OPCML: variants seen among roughly 807,000 people sequenced by gnomAD.
OPCML encodes the protein opioid binding protein/cell adhesion molecule like, also known as opioid-binding protein/cell adhesion molecule.
Under a neutral mutation model 37.8 loss-of-function variants are expected in OPCML, and 13 were observed. The observed-to-expected ratio is 0.34, with a 90% CI of 0.22 to 0.55. The LOEUF is 0.55. Ranked by LOEUF, OPCML falls within the 20% of genes least tolerant of loss-of-function variation. The pLI, the probability that OPCML is intolerant of heterozygous loss-of-function variation, is 0.91. For synonymous variants in OPCML, 176 were observed against 168.8 expected (o/e 1.04, Z -0.33); for missense variants, 341 against 435.6 (o/e 0.78, Z 1.93).
chr11:133,390,885 T>C (rs1203639311), intron 1 of OPCML, among the ~76,000 whole-genome samples: 1 of 152,154 alleles, frequency 6.6e-6, no homozygotes, highest in Non-Finnish European at 1.5e-5. Flanking sequence ...GCCAGGCAAC[T>C]GCAAGGAGCA....
At chr11:133,436,170 T>C (rs12796975) in intron 1 of OPCML, among the ~76,000 whole-genome samples, 21,700 of 152,108 alleles carry the variant, frequency 0.14, 1,764 homozygotes, top group African/African-American at 0.21. Context: ...CCTACTGCAA[T>C]GAGAACAACA....
intron 2 of OPCML, chr11:132,817,220 AG>A (rs1446130882): frequency 6.6e-6 from 1 of 152,300 alleles, no homozygotes; most frequent in African/African-American, 2.4e-5. Context: ...TGTCATACAC[AG>A]GGAGTTTCAG....
intron 1 of OPCML, among the ~76,000 whole-genome samples, chr11:133,073,210 C>T (rs778931707): frequency 1.3e-5 from 2 of 152,184 alleles, no homozygotes; most frequent in African/African-American, 2.4e-5. Flanking sequence ...AACACCTGAG[C>T]GCTCCCAAGT....
At chr11:132,624,144 C>T (rs1939594742) in intron 3 of OPCML, among the ~76,000 whole-genome samples, 1 of 152,160 alleles carries the variant, frequency 6.6e-6, no homozygotes, top group Non-Finnish European at 1.5e-5. Flanking sequence ...TGTAGGGATT[C>T]ATATATTGAT....
At chr11:133,024,056 C>T (rs1947502709) in intron 1 of OPCML, among the ~76,000 whole-genome samples, 1 of 152,204 alleles carries the variant, frequency 6.6e-6, no homozygotes, top group East Asian at 1.9e-4. Context: ...ACGTATTTCA[C>T]AGGAAGTGCT....
chr11:133,409,242 G>A (rs1353449868), intron 1 of OPCML, among the ~76,000 whole-genome samples: 4 of 152,178 alleles, frequency 2.6e-5, no homozygotes, highest in South Asian at 4.1e-4. Context: ...TTCAGACAGC[G>A]CGACTCCAGA....
intron 2 of OPCML, among the ~76,000 whole-genome samples, chr11:132,819,889 T>C (rs117527433): frequency 0.016 from 2,489 of 152,292 alleles, 27 homozygotes; most frequent in Middle Eastern, 0.031. Flanking sequence ...TGTGATGCTC[T>C]AGAGTCAGAA....
In OPCML at chr11:132,687,410, AT is replaced by A. The variant is rs1565776272; in HGVS notation, c.147-30092del. Among the ~76,000 whole-genome samples, 59 of 95,012 alleles carry A rather than the reference AT, an allele frequency of 6.2e-4. 2 individuals carry two copies. The highest frequency in any genetic ancestry group is 2.5e-3 in the African/African-American group (50 of 19,608). 62.3% of individuals were successfully genotyped at this position (95,012 alleles called of 152,430 possible). On this transcript the variant is annotated intron_variant, in intron 2 of 7. Transcript: ENST00000524381. ...TATATATATATATATATATATATATATATATATATATATATATATTTAATCT... is the reference window on the plus strand; with the variant it reads ...TATATATATATATATATATATATATAATATATATATATATATATTTAATCT...
intron 1 of OPCML, among the ~76,000 whole-genome samples, chr11:133,384,983 G>A (rs930484788): frequency 2.0e-5 from 3 of 152,240 alleles, no homozygotes; most frequent in South Asian, 2.1e-4. Flanking sequence ...GGGTGGCCCC[G>A]AGGTCTCCGC....
intron 3 of OPCML, among the ~76,000 whole-genome samples, chr11:132,610,785 A>T (rs898530950): frequency 5.9e-5 from 9 of 152,234 alleles, no homozygotes; most frequent in African/African-American, 2.2e-4. Context: ...GTCGTGTAAG[A>T]AGCTATCAAC....
chr11:132,811,507 G>A (rs933978727), intron 2 of OPCML, among the ~76,000 whole-genome samples: 23 of 152,266 alleles, frequency 1.5e-4, no homozygotes, highest in African/African-American at 5.3e-4. Flanking sequence ...CGGGAAAGTG[G>A]CTGTTTTGGT....
chr11:132,633,358 C>T (rs1294728229), intron 3 of OPCML, among the ~76,000 whole-genome samples: 1 of 152,076 alleles, frequency 6.6e-6, no homozygotes, highest in Non-Finnish European at 1.5e-5. Context: ...GCTGGTAGCT[C>T]TCTTTTCCCT....
chr11:132,727,587 T>G (rs1235701089), intron 2 of OPCML, among the ~76,000 whole-genome samples: 1 of 152,178 alleles, frequency 6.6e-6, no homozygotes, highest in Non-Finnish European at 1.5e-5. Context: ...AACTGCAGGC[T>G]GGAATCATCC....
chr11:132,943,089 C>T lies in OPCML; in HGVS notation c.62-79G>A, dbSNP rs774852728. ...GGCAGGAACAGGTACCCACAGACCC[C>T]CATTCTCGACAGCCACAACTTCCCA... On this transcript the variant is annotated intron_variant, in intron 1 of 7. Coordinates refer to ENST00000524381, the MANE Select transcript of OPCML (RefSeq NM_001012393.5). This position sits in a 1 kb window ranked among gnomAD's most constrained non-coding sequence, Gnocchi z 4.3. 6.2e-7 allele frequency: 1 copy of T among 1,614,130 alleles called. No homozygotes were observed. Among genetic ancestry groups the T allele is most frequent in the South Asian group, 1.1e-5 (1 of 91,080 alleles).
intron 1 of OPCML, among the ~76,000 whole-genome samples, chr11:133,511,426 C>T (rs556367073): frequency 6.6e-6 from 1 of 152,300 alleles, no homozygotes; most frequent in East Asian, 1.9e-4. Context: ...CCTTTAAAAA[C>T]CTCTCTGCCC....
chr11:132,622,539 C>T (rs1019266812), intron 3 of OPCML, among the ~76,000 whole-genome samples: 7 of 152,292 alleles, frequency 4.6e-5, no homozygotes, highest in Non-Finnish European at 7.3e-5. Flanking sequence ...GACGTTTTCA[C>T]GCCAGTGGGA....
rs942490793 is a variant in OPCML, at chr11:132,820,102, T to G, written c.146+122824A>C. 4.3e-4 allele frequency among the ~76,000 whole-genome samples: 57 copies of G among 131,504 alleles called. No individual in the cohort carries two copies. In the Middle Eastern group the frequency reaches 0.012, roughly 27 times the overall value. 86.3% of individuals were successfully genotyped at this position (131,504 alleles called of 152,430 possible). On this transcript the variant is annotated intron_variant, in intron 2 of 7. Transcript: ENST00000524381. Reference sequence around the variant, plus strand: ...ATGAATGAATGAATGAATGAATGAATGAAAGAAACCAGAAAGGAAGAAAAG... The same window carrying G: ...ATGAATGAATGAATGAATGAATGAAGGAAAGAAACCAGAAAGGAAGAAAAG...
At chr11:133,420,380 A>G in intron 1 of OPCML, 1 of 985,450 alleles carries the variant, frequency 1.0e-6, no homozygotes, top group South Asian at 4.7e-5. Flanking sequence ...CTAGGACAGT[A>G]GTTGGTTCTT....
intron 1 of OPCML, among the ~76,000 whole-genome samples, chr11:133,144,115 T>C (rs1949863952): frequency 6.6e-6 from 1 of 152,220 alleles, no homozygotes; most frequent in Non-Finnish European, 1.5e-5. Flanking sequence ...AAGAAGGGCA[T>C]GTGAAGGAGG....
Sources: allele counts gnomAD v4.1 joint callset (sites outside exome capture counted in the v4.1 genomes callset), GRCh38; gene constraint gnomAD v4.1.1; non-coding constraint Gnocchi (gnomAD v3.1); transcripts MANE v1.5; gene names NCBI Gene and HGNC (gene_info 2026-07-23, HGNC 2026-07-21).